RNF213: variants seen among roughly 807,000 people sequenced by gnomAD.
The protein encoded by RNF213 is E3 ubiquitin-protein ligase RNF213.
A neutral mutation model predicts 514.4 loss-of-function variants in RNF213; 341 were observed. That is an observed-to-expected ratio of 0.66 (90% CI 0.61 to 0.73). RNF213 has a LOEUF of 0.73. Among genes scored for constraint, RNF213 ranks in the 30% least tolerant of loss-of-function variants. RNF213 has a pLI of 0.00. For missense variants in RNF213, 5,767 were observed against 6,615.6 expected (o/e 0.87, Z 4.45); for synonymous variants, 2,655 against 2,658.2 (o/e 1.00, Z 0.04).
intron 61 of RNF213, 85 bp downstream of exon 61, chr17:80,385,706 C>A: frequency 2.8e-6 from 3 of 1,090,520 alleles, no homozygotes; most frequent in Non-Finnish European, 4.2e-6. Context: ...TCGGCCCATC[C>A]CTGTCAACAC....
At chr17:80,367,124 A>G (rs77574627) in intron 42 of RNF213, among the ~76,000 whole-genome samples, 237 of 112,308 alleles carry the variant, frequency 2.1e-3, no homozygotes, top group African/African-American at 6.1e-3. Flanking sequence ...CTAAGGTATC[A>G]TGAAGAGAAT....
In RNF213 at chr17:80,346,795, C is replaced by T. The variant is rs751003707; in HGVS notation, c.8460C>T (p.Ser2820=). The change falls in exon 29 of 68, where the codon AGC becomes AGT. Residue 2820 remains serine (S), a synonymous_variant. Transcript: ENST00000582970. This position sits in a 1 kb window ranked among gnomAD's most constrained non-coding sequence, Gnocchi z 8.1. ...SPHSTPQGII[S]TFRQCARFQQ... ...ACTCCACCCCACAGGGCATCATCAG[C>T]ACCTTCCGGCAGTGCGCCCGCTTTC... 1 of 1,614,088 alleles carries T rather than the reference C, an allele frequency of 6.2e-7. No individual in the cohort carries two copies. The highest frequency in any genetic ancestry group is 1.7e-5 in the Admixed American group (1 of 60,024).
chr17:80,338,079 A>AGGATTTGACTTG, intron 25 of RNF213, 82 bp downstream of exon 25: 1 of 1,484,972 alleles, frequency 6.7e-7, no homozygotes, highest in Non-Finnish European at 9.1e-7. Flanking sequence ...GAAAACGGAA[A>AGGATTTGACTTG]GGATTTGACT....
chr17:80,270,571 C>A (rs1056018458), intron 2 of RNF213, among the ~76,000 whole-genome samples: 1 of 152,214 alleles, frequency 6.6e-6, no homozygotes, highest in African/African-American at 2.4e-5. Flanking sequence ...GGAAATGGCA[C>A]TGCAGGGCCT....
chr17:80,337,276 C>T lies in RNF213; in HGVS notation c.4528-310C>T, dbSNP rs545213758. 1.1e-4 allele frequency among the ~76,000 whole-genome samples: 17 copies of T among 152,320 alleles called. 1 individual carries two copies. In the South Asian group the frequency reaches 2.1e-3, roughly 19 times the overall value. On this transcript the variant is annotated intron_variant, in intron 23 of 67. Coordinates refer to ENST00000582970, the MANE Select transcript of RNF213 (RefSeq NM_001256071.3). The stretch of plus-strand genomic sequence containing the variant: ...TGATGGCGTCTGGTAGAGAGGCAGG[C>T]GGGCGGCTGCTCATTCCCCTCCACT...
chr17:80,330,497 G>A (rs1222373129), intron 20 of RNF213, among the ~76,000 whole-genome samples: 1 of 152,178 alleles, frequency 6.6e-6, no homozygotes, highest in African/African-American at 2.4e-5. Flanking sequence ...GAAGCGGGCT[G>A]GCGGGCCTTG....
At chr17:80,388,836 C>G in intron 64 of RNF213, 147 bp downstream of exon 64, 3 of 722,020 alleles carry the variant, frequency 4.2e-6, no homozygotes, top group South Asian at 1.5e-5. Flanking sequence ...GCAAGCAAGA[C>G]AGCAAATCAG....
chr17:80,363,884 G>A (rs72851458), intron 41 of RNF213, 94 bp downstream of exon 41: 33,700 of 1,261,560 alleles, frequency 0.027, 576 homozygotes, highest in Middle Eastern at 0.049. Context: ...AGACGGGCAG[G>A]TGCTCCTGCC....
chr17:80,336,103 C>T (rs576393976), intron 22 of RNF213, 58 bp from the exon 23 acceptor site: 30 of 1,376,110 alleles, frequency 2.2e-5, no homozygotes, highest in Non-Finnish European at 2.8e-5. Flanking sequence ...TGCCCAAGAC[C>T]GAGTCTTGTG....
In RNF213 at chr17:80,291,843, A is replaced by G. The variant is rs767047925; in HGVS notation, c.1471+16A>G. On this transcript the variant is annotated intron_variant, in intron 8 of 67. Coordinates refer to ENST00000582970, the MANE Select transcript of RNF213 (RefSeq NM_001256071.3). ...GGCTCAGGAGGTAAGTCGTGGCAGC[A>G]GGCTGTCTGCTCACCCCTCCGGAGT... 6.2e-7 allele frequency: 1 copy of G among 1,614,006 alleles called. No individual in the cohort carries two copies. Among genetic ancestry groups the G allele is most frequent in the Non-Finnish European group, 8.5e-7 (1 of 1,179,990 alleles).
intron 3 of RNF213, among the ~76,000 whole-genome samples, chr17:80,274,925 GGGGTGTGTGTGTT>G (rs1340815582): frequency 2.2e-5 from 2 of 90,988 alleles, no homozygotes; most frequent in Non-Finnish European, 4.8e-5. Context: ...GGGTGTGAGT[GGGGTGTGTGTGTT>G]GGGTGTGTGA....
At chr17:80,293,862 G>A (rs562893395) in intron 8 of RNF213, among the ~76,000 whole-genome samples, 2 of 152,114 alleles carry the variant, frequency 1.3e-5, no homozygotes, top group South Asian at 4.1e-4. Flanking sequence ...ATTTGACCTG[G>A]AGGTCGGCAG....
rs532860474 is a variant in RNF213, at chr17:80,283,547, G to A, written c.262-4268G>A. On this transcript the variant is annotated intron_variant, in intron 3 of 67. Transcript: ENST00000582970. ...CCTGGCTCCTGCCTCCAGCCTCCCC[G>A]GGCTCTGCCCAACCTCCGTGTGCTG... Among the ~76,000 whole-genome samples the A allele has an allele frequency of 7.2e-5, 11 of 152,316 alleles. No individual in the cohort carries two copies. The East Asian group carries it at 1.9e-3, about 27-fold the overall frequency.
intron 10 of RNF213, among the ~76,000 whole-genome samples, chr17:80,297,115 G>A (rs1187725387): frequency 6.6e-6 from 1 of 152,034 alleles, no homozygotes; most frequent in Non-Finnish European, 1.5e-5. Context: ...GACTGTAGGA[G>A]ATTCACCATG....
rs1361937321 is a variant in RNF213 at position 80,332,449 on chromosome 17, C to T, written c.3961C>T (p.Leu1321Phe). The change falls in exon 21 of 68, where the codon CTT (leucine) becomes TTT (phenylalanine). Residue 1321 changes from leucine (L) to phenylalanine (F), a missense_variant. This residue lies in a region of RNF213 where 516 missense variants were observed against 566.5 expected (regional missense o/e 0.91). Coordinates refer to ENST00000582970, the MANE Select transcript of RNF213 (RefSeq NM_001256071.3). The stretch of plus-strand genomic sequence containing the variant: ...TAAATACACGGACCTGGATTCAGAA[C>T]TTAAGATCATGTGCACCGTGGACCA... ...VNKYTDLDSE[L>F]KIMCTVDHQD... 8.5e-6 allele frequency: 13 copies of T among 1,537,114 alleles called. No individual in the cohort carries two copies. Among genetic ancestry groups the T allele is most frequent in the South Asian group, 8.3e-5 (7 of 84,058 alleles).
At chr17:80,314,282 ACTGGAGGTG>A (rs2045745726) in intron 15 of RNF213, among the ~76,000 whole-genome samples, 1 of 67,652 alleles carries the variant, frequency 1.5e-5, no homozygotes, top group Non-Finnish European at 2.7e-5. Flanking sequence ...TGGTGGAGGT[ACTGGAGGTG>A]ATGGTGGTGG....
In RNF213 at chr17:80,379,733, T is replaced by C; in HGVS notation, c.13640+19T>C. ...TGGTCAAGTATGTGGGTCAGGATTC[T>C]ATTTCCTAAGTACTCAAACTTTGGG... On this transcript the variant is annotated intron_variant, in intron 55 of 67. Transcript: ENST00000582970. The C allele has an allele frequency of 6.2e-7, 1 of 1,608,612 alleles. No homozygotes were observed. Among genetic ancestry groups the C allele is most frequent in the Admixed American group, 1.7e-5 (1 of 60,026 alleles).
chr17:80,265,819 C>T (rs2145088503), intron 2 of RNF213, among the ~76,000 whole-genome samples: 1 of 152,300 alleles, frequency 6.6e-6, no homozygotes, highest in Non-Finnish European at 1.5e-5. Flanking sequence ...CCTACAACCC[C>T]AGCATGTTTG....
At chr17:80,348,930 T>C (rs866664182) in intron 29 of RNF213, among the ~76,000 whole-genome samples, 9 of 152,142 alleles carry the variant, frequency 5.9e-5, no homozygotes, top group Non-Finnish European at 1.0e-4. Flanking sequence ...GAGCGGGCAC[T>C]GGAGGCACGC....
Sources: allele counts gnomAD v4.1 joint callset (sites outside exome capture counted in the v4.1 genomes callset), GRCh38; gene constraint gnomAD v4.1.1; regional missense constraint gnomAD v4.1.1; non-coding constraint Gnocchi (gnomAD v3.1); transcripts MANE v1.5; gene names NCBI Gene and HGNC (gene_info 2026-07-23, HGNC 2026-07-21).